The following CLMP variants were observed in gnomAD, a reference collection of about 807,000 sequenced individuals.
CLMP encodes CXADR like cell adhesion molecule.
In CLMP, 27 loss-of-function variants were observed where a neutral mutation model predicts 45.2. The observed-to-expected ratio is 0.60, with a 90% CI of 0.44 to 0.82. CLMP has a LOEUF of 0.82. CLMP is among the 40% of genes least tolerant of loss of function. The pLI is 0.00. For synonymous variants in CLMP, 167 were observed against 171.4 expected (o/e 0.97, Z 0.20); for missense variants, 403 against 448.4 (o/e 0.90, Z 0.91).
At position 123,073,790 on chromosome 11, in the gene CLMP, A is replaced by G; in HGVS notation, c.822-16T>C. On this transcript the variant is annotated splice_polypyrimidine_tract_variant and intron_variant, in intron 6 of 6. Coordinates refer to ENST00000448775, the MANE Select transcript of CLMP (RefSeq NM_024769.5). ...AGCATCTTCTCTGAAGAGAAAAAAC[A>G]GCAAAGATTAACACTGGCAGATCTG... The G allele has an allele frequency of 6.4e-7, 1 of 1,551,098 alleles. No homozygotes were observed. The highest frequency in any genetic ancestry group is 8.7e-7 in the Non-Finnish European group (1 of 1,151,576).
chr11:123,118,152 T>C (rs1860741842), intron 1 of CLMP, among the ~76,000 whole-genome samples: 1 of 152,066 alleles, frequency 6.6e-6, no homozygotes, highest in Non-Finnish European at 1.5e-5. Flanking sequence ...TTTTTTGAGA[T>C]GGAGTCTCTC....
At chr11:123,145,947 A>G (rs549075122) in intron 1 of CLMP, among the ~76,000 whole-genome samples, 49 of 152,338 alleles carry the variant, frequency 3.2e-4, no homozygotes, top group African/African-American at 1.2e-3. Context: ...GGGAAGGCCC[A>G]TAACCCCAGC....
At chr11:123,112,848 A>T (rs1334503171) in intron 1 of CLMP, among the ~76,000 whole-genome samples, 1 of 138,816 alleles carries the variant, frequency 7.2e-6, no homozygotes, top group Non-Finnish European at 1.5e-5. Context: ...ATCTTGGCTC[A>T]CTGCAAGCTC....
intron 5 of CLMP, among the ~76,000 whole-genome samples, chr11:123,081,040 C>A (rs1413529481): frequency 6.6e-6 from 1 of 151,930 alleles, no homozygotes; most frequent in African/African-American, 2.4e-5. Flanking sequence ...CAGCTACTCG[C>A]TACTCGGGAG....
At chr11:123,136,282 T>C (rs1861069710) in intron 1 of CLMP, 1 of 649,002 alleles carries the variant, frequency 1.5e-6, no homozygotes, top group Non-Finnish European at 3.0e-6. Flanking sequence ...GGCCAAACAC[T>C]GGATTCCACC....
At chr11:123,081,045 C>T (rs572788330) in intron 5 of CLMP, among the ~76,000 whole-genome samples, 5 of 152,012 alleles carry the variant, frequency 3.3e-5, no homozygotes, top group South Asian at 4.1e-4. Flanking sequence ...ACTCGCTACT[C>T]GGGAGGCTGA....
intron 1 of CLMP, among the ~76,000 whole-genome samples, chr11:123,163,410 G>T (rs1464345072): frequency 6.6e-6 from 1 of 152,188 alleles, no homozygotes; most frequent in African/African-American, 2.4e-5. Context: ...GCTGAAACCT[G>T]GTCTAGACTC....
chr11:123,153,745 C>T (rs1354287703), intron 1 of CLMP, among the ~76,000 whole-genome samples: 3 of 152,016 alleles, frequency 2.0e-5, no homozygotes, highest in Non-Finnish European at 4.4e-5. Context: ...TGCAGTGGCA[C>T]GATCTCAGCT....
intron 1 of CLMP, among the ~76,000 whole-genome samples, chr11:123,110,448 C>T (rs111881976): frequency 0.12 from 17,330 of 139,828 alleles, 1,118 homozygotes; most frequent in Admixed American, 0.17. Flanking sequence ...AGCGAGACTC[C>T]GTCAGAAAAA....
chr11:123,158,110 T>G (rs1001975851), intron 1 of CLMP, among the ~76,000 whole-genome samples: 9 of 152,184 alleles, frequency 5.9e-5, no homozygotes, highest in Non-Finnish European at 1.5e-5. Context: ...CCAGCAAGCC[T>G]TTGTCAGGGC....
intron 1 of CLMP, among the ~76,000 whole-genome samples, chr11:123,112,579 C>T (rs866171876): frequency 6.6e-6 from 1 of 151,912 alleles, no homozygotes; most frequent in Admixed American, 6.6e-5. Context: ...TCAGGTGAGC[C>T]CCCCCACCTC....
At chr11:123,160,789 C>T (rs1861477109) in intron 1 of CLMP, among the ~76,000 whole-genome samples, 2 of 151,942 alleles carry the variant, frequency 1.3e-5, no homozygotes, top group East Asian at 3.9e-4. Context: ...ACCAGCCTGG[C>T]TAACCTGGCA....
chr11:123,109,235 A>G (rs1591461646), intron 1 of CLMP, among the ~76,000 whole-genome samples: 2 of 152,196 alleles, frequency 1.3e-5, no homozygotes, highest in Non-Finnish European at 1.5e-5. Context: ...AGGTGATGAT[A>G]GTCTCTCCTA....
chr11:123,143,461 G>A (rs1025167682), intron 1 of CLMP, among the ~76,000 whole-genome samples: 2 of 150,356 alleles, frequency 1.3e-5, no homozygotes, highest in African/African-American at 4.9e-5. Context: ...CAGCAGACTG[G>A]AATTAGAAGT....
chr11:123,106,143 C>CT (rs113019577), intron 1 of CLMP, among the ~76,000 whole-genome samples: 44 of 151,408 alleles, frequency 2.9e-4, no homozygotes, highest in Admixed American at 9.2e-4. Flanking sequence ...TGATTTTATT[C>CT]TATTTTTTTT....
At chr11:123,077,375 A>T (rs1181854229) in intron 5 of CLMP, among the ~76,000 whole-genome samples, 1 of 152,008 alleles carries the variant, frequency 6.6e-6, no homozygotes, top group African/African-American at 2.4e-5. Context: ...CTTGTTGCCC[A>T]GGCTGGAATG....
At chr11:123,167,956 A>AAGACAGAC (rs112277747) in intron 1 of CLMP, among the ~76,000 whole-genome samples, 2,275 of 151,722 alleles carry the variant, frequency 0.015, 52 homozygotes, top group African/African-American at 0.052. Context: ...CCAGGAAGGA[A>AAGACAGAC]AGACAGACAG....
intron 1 of CLMP, among the ~76,000 whole-genome samples, chr11:123,167,180 T>G (rs1185091445): frequency 6.6e-6 from 1 of 152,188 alleles, no homozygotes; most frequent in Non-Finnish European, 1.5e-5. Context: ...ATTATTATCG[T>G]CCTTTGTTTT....
chr11:123,142,784 G>A lies in CLMP; in HGVS notation c.29-44832C>T, dbSNP rs576257209. ...TGGGACTACAGGCGCCCGCCACTGCGCCCGGCTAATTTTTTGTATTTTTAG... is the reference window on the plus strand; with the variant it reads ...TGGGACTACAGGCGCCCGCCACTGCACCCGGCTAATTTTTTGTATTTTTAG... On this transcript the variant is annotated intron_variant, in intron 1 of 6. Coordinates refer to ENST00000448775, the MANE Select transcript of CLMP (RefSeq NM_024769.5). 1.1e-4 allele frequency among the ~76,000 whole-genome samples: 16 copies of A among 145,812 alleles called. No individual in the cohort carries two copies. The East Asian group carries it at 2.8e-3, about 26-fold the overall frequency.
Sources: allele counts gnomAD v4.1 joint callset (sites outside exome capture counted in the v4.1 genomes callset), GRCh38; gene constraint gnomAD v4.1.1; transcripts MANE v1.5; gene names NCBI Gene and HGNC (gene_info 2026-07-23, HGNC 2026-07-21).